Variants in BAZ1A observed in about 807,000 individuals in gnomAD.
BAZ1A encodes bromodomain adjacent to zinc finger domain protein 1A.
In BAZ1A, 50 loss-of-function variants were observed where a neutral mutation model predicts 185.2. That is an observed-to-expected ratio of 0.27 (90% CI 0.22 to 0.34). The LOEUF is 0.34. BAZ1A is among the 10% of genes least tolerant of loss of function. The probability of loss-of-function intolerance (pLI) is 1.00; values close to 1 mark genes in which losing one functional copy is unlikely to be tolerated. For synonymous variants in BAZ1A, 571 were observed against 615.6 expected (o/e 0.93, Z 1.07); for missense variants, 1,356 against 1,839.9 (o/e 0.74, Z 4.81).
At chr14:34,829,497 C>G (rs1204380450) in intron 3 of BAZ1A, among the ~76,000 whole-genome samples, 1 of 152,074 alleles carries the variant, frequency 6.6e-6, no homozygotes, top group Admixed American at 6.5e-5. Context: ...TCAATGTATC[C>G]TCTTCTCTCA....
chr14:34,874,646 G>A lies in BAZ1A; in HGVS notation c.-42C>T. On this transcript the variant is annotated 5_prime_UTR_variant, in exon 2 of 27. Coordinates refer to ENST00000360310, the MANE Select transcript of BAZ1A (RefSeq NM_013448.3). This position sits in a 1 kb window ranked among gnomAD's most constrained non-coding sequence, Gnocchi z 4.7. ...GGCTCGCCTGGACCCTCGGCCGCCC[G>A]CGCCGGCCCCGCTTCCCTATCAAAA... is the stretch of plus-strand genomic sequence containing the variant. The A allele has an allele frequency of 1.3e-6, 2 of 1,510,404 alleles. No individual in the cohort carries two copies. Among genetic ancestry groups the A allele is most frequent in the Non-Finnish European group, 1.8e-6 (2 of 1,106,236 alleles). 93.6% of individuals were successfully genotyped at this position (1,510,404 alleles called of 1,614,324 possible). A position where few individuals can be genotyped will look rare whatever the true frequency, so the allele number is the denominator to read the frequency against.
At chr14:34,772,571 C>A (rs1879297530) in intron 20 of BAZ1A, among the ~76,000 whole-genome samples, 1 of 152,114 alleles carries the variant, frequency 6.6e-6, no homozygotes, top group Admixed American at 6.5e-5. Flanking sequence ...ATAAAAGTAT[C>A]TATAGATATA....
chr14:34,820,215 T>A (rs1469848713), intron 4 of BAZ1A, among the ~76,000 whole-genome samples: 1 of 136,222 alleles, frequency 7.3e-6, no homozygotes, highest in Non-Finnish European at 1.5e-5. Context: ...AACTTCCACC[T>A]CCTAGGTTCA....
intron 4 of BAZ1A, among the ~76,000 whole-genome samples, chr14:34,823,615 C>T (rs890807918): frequency 9.9e-5 from 15 of 151,272 alleles, no homozygotes; most frequent in Non-Finnish European, 1.8e-4. Flanking sequence ...GAGCCAAGAT[C>T]GTGCCATTGT....
At chr14:34,846,502 T>C (rs2042514604) in intron 3 of BAZ1A, among the ~76,000 whole-genome samples, 1 of 152,214 alleles carries the variant, frequency 6.6e-6, no homozygotes, top group Non-Finnish European at 1.5e-5. Flanking sequence ...TTGAACTATT[T>C]TGTGAAGCAT....
intron 24 of BAZ1A, among the ~76,000 whole-genome samples, chr14:34,759,178 T>G (rs1179047920): frequency 7.8e-5 from 7 of 89,706 alleles, no homozygotes; most frequent in South Asian, 9.1e-4. Context: ...ACAGTTTTTT[T>G]TTTTTTTTTT....
At chr14:34,852,446 G>A (rs896890665) in intron 3 of BAZ1A, among the ~76,000 whole-genome samples, 1 of 151,906 alleles carries the variant, frequency 6.6e-6, no homozygotes, top group African/African-American at 2.4e-5. Flanking sequence ...TAATGAAACT[G>A]TCTCTACTGA....
chr14:34,832,171 TATATATAC>T (rs1204954347), intron 3 of BAZ1A, among the ~76,000 whole-genome samples: 44 of 109,052 alleles, frequency 4.0e-4, no homozygotes, highest in African/African-American at 1.1e-3. Context: ...TGTATGTGTG[TATATATAC>T]ATATATACAT....
At chr14:34,757,753 T>G (rs1423254164) in intron 25 of BAZ1A, among the ~76,000 whole-genome samples, 13 of 76,060 alleles carry the variant, frequency 1.7e-4, no homozygotes, top group Non-Finnish European at 4.7e-4. Context: ...TTTTTTTTTT[T>G]TTTGAGATGG....
At chr14:34,830,052 T>C (rs572234988) in intron 3 of BAZ1A, among the ~76,000 whole-genome samples, 35 of 152,290 alleles carry the variant, frequency 2.3e-4, no homozygotes, top group African/African-American at 7.7e-4. Flanking sequence ...GTCACAATAA[T>C]AGTATTGGTG....
intron 4 of BAZ1A, among the ~76,000 whole-genome samples, chr14:34,819,065 C>T (rs1215299645): frequency 1.4e-5 from 2 of 140,942 alleles, no homozygotes; most frequent in Non-Finnish European, 3.0e-5. Context: ...GGCATGAACC[C>T]GGGAGGCGGA....
intron 23 of BAZ1A, 35 bp downstream of exon 23, chr14:34,764,672 C>T: frequency 6.4e-7 from 1 of 1,561,964 alleles, no homozygotes; most frequent in Non-Finnish European, 8.7e-7. Flanking sequence ...CTAACTAAGA[C>T]TTACTGACTC....
chr14:34,841,963 G>A (rs1200408), intron 3 of BAZ1A, among the ~76,000 whole-genome samples: 131,370 of 152,084 alleles, frequency 0.86, 57,679 homozygotes, highest in Non-Finnish European at 0.96. Flanking sequence ...AATTTTTTAT[G>A]TTTTTTAACT....
At chr14:34,776,571 AAT>A (rs1879626361) in intron 17 of BAZ1A, 56 bp from the exon 18 acceptor site, 3 of 1,423,468 alleles carry the variant, frequency 2.1e-6, no homozygotes, top group East Asian at 2.3e-5. Flanking sequence ...CCATTAGAAA[AAT>A]ATGAGATACA....
chr14:34,773,807 AAATC>A (rs2138581185), intron 19 of BAZ1A, 81 bp from the exon 20 acceptor site: 1 of 1,302,160 alleles, frequency 7.7e-7, no homozygotes, highest in South Asian at 1.3e-5. Context: ...TATGCATATA[AAATC>A]AATTCATGGA....
In BAZ1A at chr14:34,786,127, CTGG is replaced by C. The variant is rs755123877; in HGVS notation, c.1602_1604del (p.His534del). 1 of 1,600,890 alleles carries C rather than the reference CTGG, an allele frequency of 6.2e-7. No individual in the cohort carries two copies. Among genetic ancestry groups the C allele is most frequent in the Non-Finnish European group, 8.5e-7 (1 of 1,176,794 alleles). On this transcript the variant is annotated inframe_deletion and splice_region_variant, in exon 13 of 27. Coordinates refer to ENST00000360310, the MANE Select transcript of BAZ1A (RefSeq NM_013448.3). The stretch of plus-strand genomic sequence containing the variant: ...AAAAAAAACAAAACCCACACATACC[CTGG>C]TGTAACTGTGGCCATGCAGCTGCCA...
chr14:34,771,512 A>C lies in BAZ1A; in HGVS notation c.3300T>G (p.Leu1100=). 2 of 1,605,402 alleles carry C rather than the reference A, an allele frequency of 1.2e-6. No homozygotes were observed. Among genetic ancestry groups the C allele is most frequent in the Admixed American group, 1.7e-5 (1 of 57,892 alleles). Residue 1100 remains leucine (L), a splice_region_variant and synonymous_variant, in exon 21 of 27, where the codon CTT becomes CTG. Transcript: ENST00000360310. ...TTTGAAATAAAAACAGATACTTACC[A>C]AGTGGAGCTTTCAGAAAACGCCGCT... The part of the protein sequence containing the change: ...GIERRFLKAP[L]DASDSGRSYK...
At chr14:34,781,088 A>C (rs1880006303) in intron 16 of BAZ1A, among the ~76,000 whole-genome samples, 1 of 152,206 alleles carries the variant, frequency 6.6e-6, no homozygotes, top group Non-Finnish European at 1.5e-5. Flanking sequence ...TTAAAACTAA[A>C]ATTATATGAA....
At chr14:34,848,926 T>C (rs1035959114) in intron 3 of BAZ1A, among the ~76,000 whole-genome samples, 1 of 152,232 alleles carries the variant, frequency 6.6e-6, no homozygotes, top group Non-Finnish European at 1.5e-5. Flanking sequence ...AAAGAAGCTT[T>C]ATCCGTCCTC....
Sources: allele counts gnomAD v4.1 joint callset (sites outside exome capture counted in the v4.1 genomes callset), GRCh38; gene constraint gnomAD v4.1.1; non-coding constraint Gnocchi (gnomAD v3.1); transcripts MANE v1.5; gene names NCBI Gene and HGNC (gene_info 2026-07-23, HGNC 2026-07-21).